NELL1: variants seen among roughly 807,000 people sequenced by gnomAD.
The protein encoded by NELL1 is protein kinase C-binding protein NELL1.
NELL1 carries 76 observed loss-of-function variants against 107.4 expected under a neutral mutation model. That is an observed-to-expected ratio of 0.71 (90% CI 0.59 to 0.86). The LOEUF is 0.86. NELL1 is among the 40% of genes least tolerant of loss of function. The probability of loss-of-function intolerance (pLI) is 0.00; values close to 1 mark genes in which losing one functional copy is unlikely to be tolerated. For missense variants in NELL1, 1,024 were observed against 1,005.5 expected, an observed-to-expected ratio of 1.02 and a Z score of -0.25; for synonymous variants, 353 against 341.2, an observed-to-expected ratio of 1.03 and a Z score of -0.38.
At chr11:21,498,333 T>TATATATA (rs1855039409) in intron 15 of NELL1, among the ~76,000 whole-genome samples, 1 of 113,720 alleles carries the variant, frequency 8.8e-6, no homozygotes, top group East Asian at 2.6e-4. Flanking sequence ...CATAAACATA[T>TATATATA]TATATATATA....
intron 14 of NELL1, among the ~76,000 whole-genome samples, chr11:21,289,354 A>G (rs1849198760): frequency 6.6e-6 from 1 of 152,194 alleles, no homozygotes; most frequent in Admixed American, 6.5e-5. Context: ...GGTGCAGCCC[A>G]CGGAGGGTGA....
chr11:20,715,860 C>G (rs1855238356), intron 2 of NELL1, among the ~76,000 whole-genome samples: 2 of 152,064 alleles, frequency 1.3e-5, no homozygotes, highest in African/African-American at 4.8e-5. Flanking sequence ...TCAATGTAGC[C>G]TTTGTGGATA....
At position 21,575,353 on chromosome 11, in the gene NELL1, T is replaced by G. The variant is rs1338135364; in HGVS notation, c.*331T>G. 1 of 226,208 alleles carries G rather than the reference T, an allele frequency of 4.4e-6. No individual in the cohort carries two copies. Among genetic ancestry groups the G allele is most frequent in the African/African-American group, 2.3e-5 (1 of 44,334 alleles). The allele number at this position is 226,208 out of a possible 1,614,324, so 14.0% of individuals were successfully genotyped here. A position where few individuals can be genotyped will look rare whatever the true frequency, so the allele number is the denominator to read the frequency against. ...TCTCATGGTAAATGTTGATGTATTT[T>G]TTGGTTTATTTTGTGTACTAACATA... On this transcript the variant is annotated 3_prime_UTR_variant, in exon 20 of 20. Transcript: ENST00000357134.
At chr11:20,862,810 AC>A (rs1324478566) in intron 4 of NELL1, among the ~76,000 whole-genome samples, 1 of 152,078 alleles carries the variant, frequency 6.6e-6, no homozygotes, top group African/African-American at 2.4e-5. Flanking sequence ...ATGACTCTCA[AC>A]GAGCATGCTG....
At chr11:20,834,866 GT>G (rs1447572614) in intron 3 of NELL1, among the ~76,000 whole-genome samples, 1 of 152,094 alleles carries the variant, frequency 6.6e-6, no homozygotes, top group South Asian at 2.1e-4. Flanking sequence ...CCGTGGGAGT[GT>G]TTGAACATTA....
At chr11:20,858,073 G>T (rs1848915653) in intron 4 of NELL1, among the ~76,000 whole-genome samples, 1 of 152,164 alleles carries the variant, frequency 6.6e-6, no homozygotes, top group Non-Finnish European at 1.5e-5. Context: ...AACCCCACAG[G>T]CTGGGACAGC....
intron 15 of NELL1, among the ~76,000 whole-genome samples, chr11:21,447,115 C>A (rs1486970375): frequency 1.4e-5 from 2 of 143,340 alleles, no homozygotes; most frequent in African/African-American, 6.0e-5. Context: ...GACCCAAGGG[C>A]TCTTCAGTCA....
At chr11:20,742,231 GA>G (rs1855907938) in intron 2 of NELL1, among the ~76,000 whole-genome samples, 2 of 152,304 alleles carry the variant, frequency 1.3e-5, no homozygotes, top group South Asian at 4.1e-4. Context: ...TGCTGTGGCG[GA>G]CACATCCTCC....
chr11:21,478,466 T>C lies in NELL1; in HGVS notation c.1646-55908T>C, dbSNP rs931602541. 3.9e-5 allele frequency among the ~76,000 whole-genome samples: 6 copies of C among 152,248 alleles called. No homozygotes were observed. The East Asian group carries it at 7.7e-4, about 20-fold the overall frequency. ...TCAATAGTTTAAGTACAAAGTCTCA[T>C]TGGAGACAAGGCAAGTCCCTTCTCC... On this transcript the variant is annotated intron_variant, in intron 15 of 19. Transcript: ENST00000357134.
intron 11 of NELL1, among the ~76,000 whole-genome samples, chr11:20,949,190 G>C (rs1350380756): frequency 2.0e-5 from 3 of 152,142 alleles, no homozygotes; most frequent in Non-Finnish European, 4.4e-5. Flanking sequence ...AGCACCTTCT[G>C]GTGTATGAAA....
intron 14 of NELL1, among the ~76,000 whole-genome samples, chr11:21,279,056 G>C (rs117492263): frequency 6.6e-6 from 1 of 152,238 alleles, no homozygotes; most frequent in Non-Finnish European, 1.5e-5. Context: ...AATGGTGCTA[G>C]AAAAACTACA....
chr11:21,489,403 A>AAAAAAAAC (rs1564920475), intron 15 of NELL1, among the ~76,000 whole-genome samples: 2 of 146,886 alleles, frequency 1.4e-5, no homozygotes, highest in Non-Finnish European at 3.0e-5. Flanking sequence ...AAAAAAAAAA[A>AAAAAAAAC]AAAAACAGAA....
chr11:21,119,281 C>G (rs1170814305), intron 13 of NELL1, among the ~76,000 whole-genome samples: 1 of 150,950 alleles, frequency 6.6e-6, no homozygotes, highest in Non-Finnish European at 1.5e-5. Flanking sequence ...TTTCAGAAGA[C>G]TACACCTGAG....
chr11:21,103,821 G>A (rs972286441), intron 12 of NELL1, among the ~76,000 whole-genome samples: 4 of 152,028 alleles, frequency 2.6e-5, no homozygotes, highest in African/African-American at 9.7e-5. Flanking sequence ...ATTATTTTCT[G>A]GGGGATTCCT....
At chr11:20,942,425 G>T (rs547609466) in intron 10 of NELL1, among the ~76,000 whole-genome samples, 3 of 152,120 alleles carry the variant, frequency 2.0e-5, no homozygotes, top group Admixed American at 2.0e-4. Flanking sequence ...TGACAACAAG[G>T]GCTTTAATGA....
At chr11:21,300,951 T>C (rs1320295414) in intron 14 of NELL1, among the ~76,000 whole-genome samples, 1 of 152,102 alleles carries the variant, frequency 6.6e-6, no homozygotes, top group Non-Finnish European at 1.5e-5. Flanking sequence ...TGTGTCCAAG[T>C]GTTCTCATTG....
chr11:21,271,797 C>A (rs1452028220), intron 14 of NELL1, among the ~76,000 whole-genome samples: 1 of 152,158 alleles, frequency 6.6e-6, no homozygotes, highest in Non-Finnish European at 1.5e-5. Flanking sequence ...TATATTATCC[C>A]AGGTAAGGCA....
chr11:20,809,942 G>A (rs972864275), intron 3 of NELL1, among the ~76,000 whole-genome samples: 4 of 152,134 alleles, frequency 2.6e-5, no homozygotes, highest in African/African-American at 4.8e-5. Context: ...CCTCCATACT[G>A]TTTTCCATGA....
At chr11:21,548,693 A>G (rs754248676) in intron 16 of NELL1, among the ~76,000 whole-genome samples, 12 of 151,790 alleles carry the variant, frequency 7.9e-5, no homozygotes, top group Non-Finnish European at 1.6e-4. Flanking sequence ...TTTACCATCT[A>G]GTCTTTGCAT....
Sources: allele counts gnomAD v4.1 joint callset (sites outside exome capture counted in the v4.1 genomes callset), GRCh38; gene constraint gnomAD v4.1.1; transcripts MANE v1.5; gene names NCBI Gene and HGNC (gene_info 2026-07-23, HGNC 2026-07-21).